The following ZNF746 variants were observed in gnomAD, a reference collection of about 807,000 sequenced individuals.
The protein encoded by ZNF746 is zinc finger protein 746.
ZNF746 carries 13 observed loss-of-function variants against 41.0 expected under a neutral mutation model. The observed-to-expected ratio is 0.32, with a 90% CI of 0.21 to 0.50. The LOEUF is 0.50. Among genes scored for constraint, ZNF746 ranks in the 20% least tolerant of loss-of-function variants. The probability of loss-of-function intolerance (pLI) is 0.98; values close to 1 mark genes in which losing one functional copy is unlikely to be tolerated. For missense variants in ZNF746, 811 were observed against 922.9 expected, an observed-to-expected ratio of 0.88 and a Z score of 1.57; for synonymous variants, 424 against 396.2, an observed-to-expected ratio of 1.07 and a Z score of -0.83.
Position 149,475,153 on chromosome 7 carries a change from A to G in ZNF746, c.1214T>C (p.Val405Ala), listed in dbSNP as rs1364466184. The G allele has an allele frequency of 1.2e-6, 2 of 1,612,566 alleles. No homozygotes were observed. Among genetic ancestry groups the G allele is most frequent in the African/African-American group, 2.7e-5 (2 of 74,894 alleles). The change falls in exon 7 of 7, where the codon GTG becomes GCG. Residue 405 changes from valine to alanine, a missense_variant. Physicochemically the swap from Val to Ala is moderately conservative, Grantham distance 64. Transcript: ENST00000458143. ...GGGCCCCGTCCTCGGGTTCAGGCCC[A>G]CTGGCGGTTTACACCGGAAATTCCA... ...WGWNFRCKPP[V>A]GLNPRTGPEG...
chr7:149,475,397 C>G lies in ZNF746; in HGVS notation c.970G>C (p.Gly324Arg). 1 of 1,614,186 alleles carries G rather than the reference C, an allele frequency of 6.2e-7. No individual in the cohort carries two copies. Among genetic ancestry groups the G allele is most frequent in the East Asian group, 2.2e-5 (1 of 44,876 alleles). Residue 324 changes from glycine to arginine, a missense_variant, in exon 7 of 7, where the codon GGG becomes CGG. This residue lies in a region of ZNF746 where 495 missense variants were observed against 481.6 expected (regional missense o/e 1.03). Transcript: ENST00000458143. ...GCTTGGCCTGGTCCAAACAGGGTCC[C>G]GTGAGCCTCTAGGTCAGTAGGATGT... ...PVHPTDLEAH[G>R]TLFGPGQATR... is the part of the protein sequence containing the mutation.
chr7:149,490,104 T>C (rs1013990566), intron 4 of ZNF746: 3 of 152,494 alleles, frequency 2.0e-5, no homozygotes, highest in African/African-American at 7.3e-5. Context: ...GGGTTGACAG[T>C]TTAGCAGTCA....
Position 149,477,414 on chromosome 7 carries a change from T to C in ZNF746, c.757+150A>G, listed in dbSNP as rs1585722301. 22 of 911,580 alleles carry C rather than the reference T, an allele frequency of 2.4e-5. No individual in the cohort carries two copies. In the East Asian group the frequency reaches 5.7e-4, roughly 24 times the overall value. The allele number at this position is 911,580 out of a possible 1,614,324, so 56.5% of individuals were successfully genotyped here. A position where few individuals can be genotyped will look rare whatever the true frequency, so the allele number is the denominator to read the frequency against. ...GAGAGGCTCGAGACAAGTCCTTTAGTACAGTCCTACCTCGAGACGGGAAAA... is the reference window on the plus strand; with the variant it reads ...GAGAGGCTCGAGACAAGTCCTTTAGCACAGTCCTACCTCGAGACGGGAAAA... On this transcript the variant is annotated intron_variant, in intron 5 of 6. Transcript: ENST00000458143.
intron 4 of ZNF746, among the ~76,000 whole-genome samples, chr7:149,485,509 C>T (rs984436572): frequency 2.0e-5 from 3 of 152,126 alleles, no homozygotes; most frequent in Non-Finnish European, 2.9e-5. Flanking sequence ...ACATGAAAGA[C>T]GAACTCTGAA....
chr7:149,496,989 G>A (rs1801019771), intron 1 of ZNF746: 1 of 985,406 alleles, frequency 1.0e-6, no homozygotes, highest in Middle Eastern at 5.2e-4. Flanking sequence ...CAGGCTTGCT[G>A]TGAGGACAGA....
intron 4 of ZNF746, chr7:149,487,588 T>A (rs1427527941): frequency 3.3e-5 from 5 of 151,934 alleles, no homozygotes; most frequent in Non-Finnish European, 5.9e-5. Flanking sequence ...ACATAAAAAA[T>A]CCAAGAGAAT....
intron 4 of ZNF746, 106 bp from the exon 5 acceptor site, chr7:149,477,861 A>G (rs1324696205): frequency 5.4e-6 from 5 of 929,908 alleles, no homozygotes; most frequent in African/African-American, 5.0e-5. Context: ...CAAGGGTCCA[A>G]CAGCAAAAGA....
At chr7:149,496,258 G>A (rs1800992476) in intron 1 of ZNF746, among the ~76,000 whole-genome samples, 1 of 152,180 alleles carries the variant, frequency 6.6e-6, no homozygotes, top group Non-Finnish European at 1.5e-5. Context: ...TTCTGATGGG[G>A]CCAGGAAACC....
In ZNF746 at chr7:149,497,675, T is replaced by C; in HGVS notation, c.-139A>G. 5 of 606,408 alleles carry C rather than the reference T, an allele frequency of 8.2e-6. No homozygotes were observed. Among genetic ancestry groups the C allele is most frequent in the Non-Finnish European group, 1.0e-5 (5 of 481,418 alleles). 37.6% of individuals were successfully genotyped at this position (606,408 alleles called of 1,614,324 possible). ...TCCTCTGCCGCCGCTCCTCGCTGGC[T>C]GCCCCTGCGCCGCGCCGCCCGCAGT... On this transcript the variant is annotated 5_prime_UTR_variant, in exon 1 of 7. Coordinates refer to ENST00000458143, the MANE Select transcript of ZNF746 (RefSeq NM_001394198.1). This position sits in a 1 kb window ranked among gnomAD's most constrained non-coding sequence, Gnocchi z 4.2.
rs1800901115 is a variant in ZNF746, at chr7:149,494,050, G to C, written c.390C>G (p.Asp130Glu). ...CGTGCTTGTAGAGCTCCTTCTGCCA[G>C]TCCTCCAGCTTGCCCCACTCCTGCT... ...FSEQEWGKLE[D>E]WQKELYKHVM... Residue 130 changes from aspartate (D) to glutamate (E), a missense_variant, in exon 3 of 7, where the codon GAC (aspartate) becomes GAG (glutamate). Coordinates refer to ENST00000458143, the MANE Select transcript of ZNF746 (RefSeq NM_001394198.1). This position sits in a 1 kb window ranked among gnomAD's most constrained non-coding sequence, Gnocchi z 5.6. 1 of 1,614,030 alleles carries C rather than the reference G, an allele frequency of 6.2e-7. No homozygotes were observed. Among genetic ancestry groups the C allele is most frequent in the Non-Finnish European group, 8.5e-7 (1 of 1,180,030 alleles).
At chr7:149,486,526 G>T (rs188883089) in intron 4 of ZNF746, among the ~76,000 whole-genome samples, 3 of 152,092 alleles carry the variant, frequency 2.0e-5, no homozygotes, top group Non-Finnish European at 4.4e-5. Flanking sequence ...TGAAAATCAT[G>T]AAAATGAATG....
chr7:149,478,827 T>C (rs1418236297), intron 4 of ZNF746, among the ~76,000 whole-genome samples: 1 of 152,136 alleles, frequency 6.6e-6, no homozygotes, highest in African/African-American at 2.4e-5. Flanking sequence ...AAAGGCAGAT[T>C]TGAAAAAGAA....
At chr7:149,483,184 GA>G (rs1489610801) in intron 4 of ZNF746, among the ~76,000 whole-genome samples, 1 of 151,920 alleles carries the variant, frequency 6.6e-6, no homozygotes, top group Non-Finnish European at 1.5e-5. Flanking sequence ...CTGAGTCTAA[GA>G]AAAAAATCAC....
At chr7:149,486,360 G>T (rs971396314) in intron 4 of ZNF746, among the ~76,000 whole-genome samples, 1 of 89,874 alleles carries the variant, frequency 1.1e-5, no homozygotes, top group Non-Finnish European at 2.5e-5. Context: ...TTCCGCTCCT[G>T]GATCTACACC....
intron 4 of ZNF746, among the ~76,000 whole-genome samples, chr7:149,487,336 TA>T (rs1184378919): frequency 1.3e-5 from 2 of 152,198 alleles, no homozygotes; most frequent in Non-Finnish European, 2.9e-5. Flanking sequence ...TTGTTCACAA[TA>T]AAAACTTTTG....
intron 6 of ZNF746, among the ~76,000 whole-genome samples, chr7:149,475,864 A>T (rs1223629438): frequency 6.6e-6 from 1 of 152,246 alleles, no homozygotes; most frequent in Non-Finnish European, 1.5e-5. Flanking sequence ...TGTGGGCTGC[A>T]GGCAGTTTCT....
rs1283150600 is a variant in ZNF746, at chr7:149,494,719, G to A, written c.25-216C>T. 1.3e-5 allele frequency among the ~76,000 whole-genome samples: 2 copies of A among 151,602 alleles called. No homozygotes were observed. Among genetic ancestry groups the A allele is most frequent in the Non-Finnish European group, 2.9e-5 (2 of 67,944 alleles). ...GGTGCCTTTACTCCAGGCCTCTGCA[G>A]CACAATGCAGACCCTTATCACGGTG... is the stretch of plus-strand genomic sequence containing the variant. On this transcript the variant is annotated intron_variant, in intron 1 of 6. Transcript: ENST00000458143. The surrounding 1 kb of genome is among the most constrained non-coding windows in gnomAD (Gnocchi z 5.6).
Position 149,477,051 on chromosome 7 carries a change from C to T in ZNF746, c.758-4G>A, listed in dbSNP as rs201799911. ...GTGGAAAAGTTGGAATGGACACCTG[C>T]GGTAAGGGGAGAGCAGAGCCGGTGG... On this transcript the variant is annotated splice_region_variant and splice_polypyrimidine_tract_variant and intron_variant, in intron 5 of 6. Transcript: ENST00000458143. 42 of 1,611,070 alleles carry T rather than the reference C, an allele frequency of 2.6e-5. No individual in the cohort carries two copies. Among genetic ancestry groups the T allele is most frequent in the South Asian group, 3.3e-5 (3 of 90,682 alleles).
chr7:149,477,752 G>C lies in ZNF746; in HGVS notation c.569C>G (p.Ser190Trp). 6.2e-7 allele frequency: 1 copy of C among 1,602,294 alleles called. No individual in the cohort carries two copies. The highest frequency in any genetic ancestry group is 1.8e-4 in the Middle Eastern group (1 of 5,670). ...GTCTGGGGCGGGAACTGGGGGCCCC[G>C]AGCCTAGGAAAGGGAGTGAGTGTGA... ...PDVPVDPSPG[S>W]GPPVPAPDLL... The change falls in exon 5 of 7, where the codon TCG (serine) becomes TGG (tryptophan). Residue 190 changes from serine to tryptophan, a missense_variant. By Grantham distance (177) the Ser-to-Trp change is radical. This residue lies in a region of ZNF746 where 495 missense variants were observed against 481.6 expected (regional missense o/e 1.03). Transcript: ENST00000458143.
Sources: allele counts gnomAD v4.1 joint callset (sites outside exome capture counted in the v4.1 genomes callset), GRCh38; gene constraint gnomAD v4.1.1; regional missense constraint gnomAD v4.1.1; non-coding constraint Gnocchi (gnomAD v3.1); transcripts MANE v1.5; gene names NCBI Gene and HGNC (gene_info 2026-07-23, HGNC 2026-07-21).